The following RABGAP1L variants were observed in gnomAD, a reference collection of about 807,000 sequenced individuals.
RABGAP1L encodes RAB GTPase activating protein 1 like, also known as rab GTPase-activating protein 1-like.
A neutral mutation model predicts 137.7 loss-of-function variants in RABGAP1L; 63 were observed. The ratio of observed to expected loss-of-function variants is 0.46; its 90% CI spans 0.37 to 0.56. RABGAP1L has a LOEUF of 0.56. RABGAP1L is among the 20% of genes least tolerant of loss of function. The probability of loss-of-function intolerance (pLI) is 0.00; values close to 1 mark genes in which losing one functional copy is unlikely to be tolerated. For missense variants in RABGAP1L, 1,095 were observed against 1,244.0 expected (o/e 0.88, Z 1.80); for synonymous variants, 431 against 433.7 (o/e 0.99, Z 0.08).
chr1:174,742,281 G>A (rs569064478), intron 17 of RABGAP1L, among the ~76,000 whole-genome samples: 2 of 66,452 alleles, frequency 3.0e-5, no homozygotes, highest in South Asian at 6.8e-4. Context: ...ACTTTAGGAG[G>A]CCAAGGCAGG....
At chr1:174,485,631 T>A (rs1198012871) in intron 13 of RABGAP1L, among the ~76,000 whole-genome samples, 1 of 152,236 alleles carries the variant, frequency 6.6e-6, no homozygotes, top group Admixed American at 6.5e-5. Flanking sequence ...GTTGATGTGA[T>A]GTATCACATT....
chr1:174,637,270 T>C (rs1160575449), intron 13 of RABGAP1L, 105 bp from the exon 14 acceptor site: 2 of 748,114 alleles, frequency 2.7e-6, no homozygotes, highest in Non-Finnish European at 4.4e-6. Context: ...TATGTTTTTC[T>C]GTTGTTTACT....
intron 1 of RABGAP1L, among the ~76,000 whole-genome samples, chr1:174,179,544 G>GCACACA (rs56839600): frequency 1.3e-3 from 185 of 147,258 alleles, no homozygotes; most frequent in East Asian, 7.0e-3. Flanking sequence ...CTTAGCACGT[G>GCACACA]CACACACACA....
chr1:174,763,762 C>T (rs1165223654), intron 18 of RABGAP1L, among the ~76,000 whole-genome samples: 3 of 134,268 alleles, frequency 2.2e-5, no homozygotes, highest in Admixed American at 1.6e-4. Flanking sequence ...GGCGTGAACC[C>T]GGGAGGCGGA....
At chr1:174,651,534 A>G (rs994943821) in intron 14 of RABGAP1L, among the ~76,000 whole-genome samples, 19 of 152,110 alleles carry the variant, frequency 1.2e-4, no homozygotes, top group Non-Finnish European at 2.5e-4. Flanking sequence ...TTGGGTGCAT[A>G]TATATTTAGG....
In RABGAP1L at chr1:174,371,088, T is replaced by C; in HGVS notation, c.1559+16T>C. ...TAGGAAAATGGTAAAATTTTATTTTTCATACTGAAAATTCTATATTTACAT... is the reference window on the plus strand; with the variant it reads ...TAGGAAAATGGTAAAATTTTATTTTCCATACTGAAAATTCTATATTTACAT... On this transcript the variant is annotated intron_variant, in intron 12 of 25. Coordinates refer to ENST00000681986, the MANE Select transcript of RABGAP1L (RefSeq NM_001366446.1). 1 of 1,379,498 alleles carries C rather than the reference T, an allele frequency of 7.2e-7. No homozygotes were observed. Among genetic ancestry groups the C allele is most frequent in the Non-Finnish European group, 1.0e-6 (1 of 1,001,310 alleles). 85.5% of individuals were successfully genotyped at this position (1,379,498 alleles called of 1,614,324 possible).
rs1192720975 is a variant in RABGAP1L at position 174,978,120 on chromosome 1, T to TCCATCACCTTAA, written c.2650-686_2650-675dup. On this transcript the variant is annotated intron_variant, in intron 22 of 25. Transcript: ENST00000681986. ...TTGTATCTGGTAGCACCTGAGCTTTTCCATCACCTTAATTTTCCCCTATAC... is the reference window on the plus strand; with the variant it reads ...TTGTATCTGGTAGCACCTGAGCTTTTCCATCACCTTAACCATCACCTTAATTTTCCCCTATAC... 8.0e-4 allele frequency among the ~76,000 whole-genome samples: 122 copies of TCCATCACCTTAA among 152,332 alleles called. 1 individual carries two copies. The highest frequency in any genetic ancestry group is 2.7e-3 in the African/African-American group (114 of 41,580).
intron 11 of RABGAP1L, 142 bp downstream of exon 11, chr1:174,305,269 G>A: frequency 1.2e-6 from 1 of 854,136 alleles, no homozygotes. Context: ...ACAAGGTGCA[G>A]AAAAGAATTT....
chr1:174,841,367 TAGATC>T (rs1283343144), intron 19 of RABGAP1L, among the ~76,000 whole-genome samples: 1 of 152,072 alleles, frequency 6.6e-6, no homozygotes, highest in Non-Finnish European at 1.5e-5. Flanking sequence ...AAATAATTCT[TAGATC>T]AGAAGAAACC....
chr1:174,304,842 G>A, intron 10 of RABGAP1L, 144 bp from the exon 11 acceptor site: 1 of 689,844 alleles, frequency 1.4e-6, no homozygotes, highest in Non-Finnish European at 2.2e-6. Context: ...CACCTTAAAA[G>A]TTTTCAGAAC....
intron 18 of RABGAP1L, among the ~76,000 whole-genome samples, chr1:174,768,011 G>A (rs759396038): frequency 1.1e-4 from 16 of 152,240 alleles, no homozygotes; most frequent in Non-Finnish European, 2.1e-4. Flanking sequence ...CCCATGATTC[G>A]GTTATCTCCA....
intron 17 of RABGAP1L, among the ~76,000 whole-genome samples, chr1:174,723,730 TA>T (rs1309986982): frequency 6.6e-6 from 1 of 152,232 alleles, no homozygotes; most frequent in Non-Finnish European, 1.5e-5. Flanking sequence ...TTAGTACAAA[TA>T]TTTTTTTCAC....
At chr1:174,514,613 C>T (rs1269548625) in intron 13 of RABGAP1L, among the ~76,000 whole-genome samples, 3 of 152,232 alleles carry the variant, frequency 2.0e-5, no homozygotes, top group African/African-American at 7.2e-5. Flanking sequence ...CCAGGAGCCT[C>T]AGTTTCACTG....
chr1:174,812,951 G>A (rs1690027237), intron 19 of RABGAP1L, among the ~76,000 whole-genome samples: 1 of 152,208 alleles, frequency 6.6e-6, no homozygotes, highest in South Asian at 2.1e-4. Context: ...TGAGAAACAG[G>A]AAGGCCAGTG....
At chr1:174,979,956 G>A (rs931332640) in intron 23 of RABGAP1L, among the ~76,000 whole-genome samples, 1 of 152,020 alleles carries the variant, frequency 6.6e-6, no homozygotes, top group Non-Finnish European at 1.5e-5. Context: ...ATAGGACTCT[G>A]AAGTCTGATA....
intron 11 of RABGAP1L, among the ~76,000 whole-genome samples, chr1:174,346,722 T>C (rs1682465761): frequency 6.6e-6 from 1 of 152,004 alleles, no homozygotes. Flanking sequence ...TTTTTTCATT[T>C]ATTTCTGGTG....
At chr1:174,653,704 C>T (rs1675745997) in intron 14 of RABGAP1L, among the ~76,000 whole-genome samples, 1 of 152,222 alleles carries the variant, frequency 6.6e-6, no homozygotes, top group African/African-American at 2.4e-5. Flanking sequence ...GGAGCTGTTT[C>T]TATTTGTTCA....
intron 17 of RABGAP1L, among the ~76,000 whole-genome samples, chr1:174,748,357 G>T (rs1463845074): frequency 6.6e-6 from 1 of 152,194 alleles, no homozygotes; most frequent in Non-Finnish European, 1.5e-5. Context: ...CCAGCACTGT[G>T]TGAGAATATC....
intron 1 of RABGAP1L, among the ~76,000 whole-genome samples, chr1:174,198,788 G>T (rs556733792): frequency 6.6e-6 from 1 of 152,074 alleles, no homozygotes; most frequent in Non-Finnish European, 1.5e-5. Context: ...CTTGTGAGGC[G>T]CCCCCTCCAG....
Sources: gnomAD v4.1 joint callset for allele counts (sites outside exome capture counted in the v4.1 genomes callset) on GRCh38, gnomAD v4.1.1 for gene constraint, MANE v1.5 for transcripts, NCBI Gene and HGNC (gene_info 2026-07-23, HGNC 2026-07-21) for gene names.